KIAA1217: variants seen among roughly 807,000 people sequenced by gnomAD.
The protein encoded by KIAA1217 is KIAA1217.
KIAA1217 carries 88 observed loss-of-function variants against 163.9 expected under a neutral mutation model. That is an observed-to-expected ratio of 0.54 (90% CI 0.45 to 0.64). The LOEUF is 0.64. Among genes scored for constraint, KIAA1217 ranks in the 30% least tolerant of loss-of-function variants. The probability of loss-of-function intolerance (pLI) is 0.00; values close to 1 mark genes in which losing one functional copy is unlikely to be tolerated. For missense variants in KIAA1217, 2,372 were observed against 2,475.0 expected (o/e 0.96, Z 0.88); for synonymous variants, 903 against 923.1 (o/e 0.98, Z 0.39).
At chr10:24,467,790 GTGTGTATGTGTA>G (rs934330541) in intron 5 of KIAA1217, among the ~76,000 whole-genome samples, 3 of 146,974 alleles carry the variant, frequency 2.0e-5, no homozygotes, top group Admixed American at 6.9e-5. Context: ...CAACTCGTAT[GTGTGTATGTGTA>G]TGTGTGTGTG....
At chr10:24,112,762 T>C (rs370026557) in intron 2 of KIAA1217, among the ~76,000 whole-genome samples, 2 of 151,748 alleles carry the variant, frequency 1.3e-5, no homozygotes, top group African/African-American at 4.8e-5. Flanking sequence ...TTTTTTTTGT[T>C]TTTTTAGTAG....
At chr10:23,796,652 T>G (rs1836222571) in intron 1 of KIAA1217, among the ~76,000 whole-genome samples, 1 of 152,064 alleles carries the variant, frequency 6.6e-6, no homozygotes, top group South Asian at 2.1e-4. Context: ...CATGAATCAC[T>G]GCGCCCGGCT....
chr10:23,769,652 C>G (rs1275471843), intron 1 of KIAA1217, among the ~76,000 whole-genome samples: 1 of 152,208 alleles, frequency 6.6e-6, no homozygotes, highest in Non-Finnish European at 1.5e-5. Context: ...CAAGATGGAG[C>G]TAGTTAGGTC....
intron 1 of KIAA1217, among the ~76,000 whole-genome samples, chr10:23,738,047 A>T (rs984986582): frequency 9.2e-5 from 14 of 152,108 alleles, no homozygotes; most frequent in African/African-American, 3.4e-4. Context: ...AAAATCCTTG[A>T]ATCATAAACT....
chr10:24,231,340 G>A (rs1421364976), intron 2 of KIAA1217, among the ~76,000 whole-genome samples: 1 of 152,126 alleles, frequency 6.6e-6, no homozygotes, highest in Non-Finnish European at 1.5e-5. Context: ...AAATAATAAA[G>A]AAGCAGTTGC....
chr10:23,831,061 C>G (rs1277761877), intron 1 of KIAA1217, among the ~76,000 whole-genome samples: 2 of 152,106 alleles, frequency 1.3e-5, no homozygotes, highest in East Asian at 3.9e-4. Context: ...CTTGTCTTCT[C>G]TACTGACTCC....
chr10:24,243,021 T>G (rs893129709), intron 2 of KIAA1217, among the ~76,000 whole-genome samples: 13 of 152,194 alleles, frequency 8.5e-5, no homozygotes, highest in African/African-American at 3.1e-4. Context: ...TTTCTCCCAT[T>G]CTGTAGGTTG....
chr10:23,932,466 A>G (rs989526959), intron 1 of KIAA1217, among the ~76,000 whole-genome samples: 2 of 152,146 alleles, frequency 1.3e-5, no homozygotes, highest in Non-Finnish European at 2.9e-5. Context: ...CACTGTTAAA[A>G]GCCACTTGAG....
chr10:23,775,729 A>G (rs1834982264), intron 1 of KIAA1217, among the ~76,000 whole-genome samples: 1 of 152,238 alleles, frequency 6.6e-6, no homozygotes, highest in South Asian at 2.1e-4. Context: ...ATTTCACATA[A>G]CATGAGGCTT....
At chr10:24,262,443 C>T (rs957693298) in intron 2 of KIAA1217, among the ~76,000 whole-genome samples, 20 of 151,836 alleles carry the variant, frequency 1.3e-4, no homozygotes, top group African/African-American at 4.3e-4. Flanking sequence ...CTGGCTAATA[C>T]GGTGAAACTC....
At chr10:24,260,008 A>G (rs750453380) in intron 2 of KIAA1217, among the ~76,000 whole-genome samples, 1 of 152,208 alleles carries the variant, frequency 6.6e-6, no homozygotes, top group Non-Finnish European at 1.5e-5. Context: ...CTTAAAATTC[A>G]GTCCTGGAGA....
chr10:23,769,103 T>G lies in KIAA1217; in HGVS notation c.-321+73869T>G, dbSNP rs117509877. Reference sequence around the variant, plus strand: ...GATGTGTGAGAGACCAGAGTTTTATTGTTACTCAAATCAATCTCTGTGAGC... The same window carrying G: ...GATGTGTGAGAGACCAGAGTTTTATGGTTACTCAAATCAATCTCTGTGAGC... On this transcript the variant is annotated intron_variant, in intron 1 of 18. Coordinates refer to the KIAA1217 transcript ENST00000376462. Among the ~76,000 whole-genome samples the G allele has an allele frequency of 2.6e-5, 4 of 152,318 alleles. No individual in the cohort carries two copies. The East Asian group carries it at 5.8e-4, about 22-fold the overall frequency.
chr10:23,709,760 A>AT (rs896687584), intron 1 of KIAA1217, among the ~76,000 whole-genome samples: 61 of 152,022 alleles, frequency 4.0e-4, no homozygotes, highest in African/African-American at 1.4e-3. Flanking sequence ...AACTGTTATC[A>AT]TTTTTTCTGT....
At chr10:23,898,108 G>A (rs1315171809) in intron 1 of KIAA1217, among the ~76,000 whole-genome samples, 1 of 151,850 alleles carries the variant, frequency 6.6e-6, no homozygotes, top group African/African-American at 2.4e-5. Context: ...GAAAACAGTG[G>A]CTACTCATAT....
At chr10:23,991,766 C>T (rs1272610506) in intron 1 of KIAA1217, among the ~76,000 whole-genome samples, 3 of 152,102 alleles carry the variant, frequency 2.0e-5, no homozygotes, top group Admixed American at 6.5e-5. Context: ...AAGGCGATAA[C>T]ATGCACACAT....
At chr10:24,206,278 A>G (rs2130556366), upstream of KIAA1217, among the ~76,000 whole-genome samples, 1 of 152,336 alleles carries the variant, frequency 6.6e-6, no homozygotes, top group South Asian at 2.1e-4. Context: ...GCAGATTGCA[A>G]TGTAATAGCA....
chr10:24,468,842 A>G (rs1448349994), intron 5 of KIAA1217, among the ~76,000 whole-genome samples: 1 of 152,174 alleles, frequency 6.6e-6, no homozygotes, highest in Admixed American at 6.5e-5. Context: ...TAATTGTTAT[A>G]TTTCTTTCTA....
chr10:23,798,786 G>C (rs142065988), intron 1 of KIAA1217, among the ~76,000 whole-genome samples: 2 of 152,318 alleles, frequency 1.3e-5, no homozygotes, highest in East Asian at 3.9e-4. Context: ...ACAGTCTCCT[G>C]TCTATCATGT....
chr10:23,999,234 C>A (rs188557916), intron 1 of KIAA1217, among the ~76,000 whole-genome samples: 5 of 152,150 alleles, frequency 3.3e-5, no homozygotes, highest in African/African-American at 7.2e-5. Flanking sequence ...TAGGAAGATT[C>A]AAAAGAACAG....
Sources: allele counts gnomAD v4.1 joint callset (sites outside exome capture counted in the v4.1 genomes callset), GRCh38; gene constraint gnomAD v4.1.1; transcripts MANE v1.5; gene names NCBI Gene and HGNC (gene_info 2026-07-23, HGNC 2026-07-21).